NOX3: variants seen among roughly 807,000 people sequenced by gnomAD.
The protein encoded by NOX3 is NADPH oxidase catalytic subunit-like 3.
Under a neutral mutation model 76.7 loss-of-function variants are expected in NOX3, and 74 were observed. The ratio of observed to expected loss-of-function variants is 0.96; its 90% CI spans 0.80 to 1.17. The LOEUF (loss-of-function observed/expected upper bound fraction) is 1.17. Among genes scored for constraint, NOX3 ranks in the 50% most tolerant of loss-of-function variants. The probability of loss-of-function intolerance (pLI) is 0.00; values close to 1 mark genes in which losing one functional copy is unlikely to be tolerated. For synonymous variants in NOX3, 263 were observed against 261.1 expected (o/e 1.01, Z -0.07); for missense variants, 695 against 703.3 (o/e 0.99, Z 0.13).
chr6:155,426,568 C>A (rs777910324), intron 9 of NOX3, among the ~76,000 whole-genome samples: 1 of 152,122 alleles, frequency 6.6e-6, no homozygotes, highest in South Asian at 2.1e-4. Context: ...AGAGAGGGAG[C>A]TGCCCAGCAG....
chr6:155,431,167 A>G (rs1205454098), intron 7 of NOX3, among the ~76,000 whole-genome samples: 1 of 152,128 alleles, frequency 6.6e-6, no homozygotes, highest in Non-Finnish European at 1.5e-5. Context: ...ATTGGTTTTT[A>G]TGCTTACTTG....
At chr6:155,454,165 C>A (rs541799555) in intron 3 of NOX3, among the ~76,000 whole-genome samples, 2 of 152,222 alleles carry the variant, frequency 1.3e-5, no homozygotes, top group Admixed American at 1.3e-4. Context: ...TATACTTGCT[C>A]CACACAGGGT....
intron 4 of NOX3, among the ~76,000 whole-genome samples, chr6:155,451,093 C>T (rs1777133338): frequency 1.3e-5 from 2 of 152,080 alleles, no homozygotes; most frequent in African/African-American, 2.4e-5. Flanking sequence ...ATTCTCCTTC[C>T]TCAGCCTCCC....
At position 155,451,923 on chromosome 6, in the gene NOX3, C is replaced by T. The variant is rs73567373; in HGVS notation, c.340+1481G>A. ...GATTATAGGCGTAAACCACCATGCC[C>T]GGCCTCTTTTCTGATGTCTTTTGAT... is the stretch of plus-strand genomic sequence containing the variant. On this transcript the variant is annotated intron_variant, in intron 4 of 13. Coordinates refer to ENST00000159060, the MANE Select transcript of NOX3 (RefSeq NM_015718.3). Among the ~76,000 whole-genome samples, 745 of 152,272 alleles carry T rather than the reference C, an allele frequency of 4.9e-3. 7 individuals carry two copies. Among genetic ancestry groups the T allele is most frequent in the African/African-American group, 0.017 (712 of 41,556 alleles).
intron 9 of NOX3, among the ~76,000 whole-genome samples, chr6:155,423,345 A>G (rs968566083): frequency 6.6e-6 from 1 of 152,144 alleles, no homozygotes; most frequent in African/African-American, 2.4e-5. Context: ...ATGTAATTTT[A>G]GTCTAATGGA....
intron 7 of NOX3, among the ~76,000 whole-genome samples, chr6:155,435,813 G>A (rs55995839): frequency 0.061 from 9,287 of 152,178 alleles, 350 homozygotes; most frequent in Middle Eastern, 0.11. Flanking sequence ...CCACCTACCC[G>A]GGAAATCTGA....
intron 12 of NOX3, among the ~76,000 whole-genome samples, chr6:155,402,139 G>A (rs1779238914): frequency 6.6e-6 from 1 of 152,062 alleles, no homozygotes; most frequent in Non-Finnish European, 1.5e-5. Context: ...TGAACGTATT[G>A]ACAATGTTTA....
chr6:155,407,959 T>C (rs1372983746), intron 11 of NOX3, among the ~76,000 whole-genome samples: 1 of 152,082 alleles, frequency 6.6e-6, no homozygotes, highest in Non-Finnish European at 1.5e-5. Flanking sequence ...CATTTTTGTT[T>C]GTTTGTTTTT....
intron 10 of NOX3, among the ~76,000 whole-genome samples, chr6:155,418,582 A>T (rs1372246977): frequency 1.1e-5 from 1 of 91,838 alleles, no homozygotes; most frequent in African/African-American, 4.2e-5. Flanking sequence ...CTCCCCTTCC[A>T]CTCCCCGCCC....
chr6:155,396,851 G>T lies in NOX3; in HGVS notation c.1692C>A (p.Asn564Lys). ...CCTCCAAAGTCTAGAAGCTCTCCTT[G>T]TTGTAATAGAAATGAACACCTCTGG... ...ADPRGVHFYYNKESF is the reference protein window; with the variant it reads ...ADPRGVHFYYKKESF Residue 564 changes from asparagine (N) to lysine (K), a missense_variant, in exon 13 of 14, where the codon AAC (asparagine) becomes AAA (lysine). Asn to Lys is a moderately conservative substitution (Grantham distance 94, BLOSUM62 0). Coordinates refer to ENST00000159060, the MANE Select transcript of NOX3 (RefSeq NM_015718.3). 6.2e-7 allele frequency: 1 copy of T among 1,611,394 alleles called. No homozygotes were observed. The highest frequency in any genetic ancestry group is 8.5e-7 in the Non-Finnish European group (1 of 1,178,350).
At chr6:155,440,174 A>G (rs2114702606) in intron 5 of NOX3, 37 bp from the exon 6 acceptor site, 1 of 1,425,766 alleles carries the variant, frequency 7.0e-7, no homozygotes, top group East Asian at 2.4e-5. Flanking sequence ...AGAAACAAAC[A>G]AAAAAAAACA....
At chr6:155,447,673 CT>C (rs1777081308) in intron 4 of NOX3, among the ~76,000 whole-genome samples, 1 of 152,184 alleles carries the variant, frequency 6.6e-6, no homozygotes, top group Non-Finnish European at 1.5e-5. Flanking sequence ...ATTTTGTTTT[CT>C]TTCACAAGGT....
intron 5 of NOX3, among the ~76,000 whole-genome samples, chr6:155,441,452 C>A (rs1459080252): frequency 6.6e-6 from 1 of 152,200 alleles, no homozygotes; most frequent in Non-Finnish European, 1.5e-5. Context: ...TCTTCCTTGC[C>A]TATTAAGGCA....
chr6:155,444,092 T>C (rs1334737048), intron 4 of NOX3, among the ~76,000 whole-genome samples: 2 of 152,338 alleles, frequency 1.3e-5, no homozygotes, highest in African/African-American at 4.8e-5. Context: ...CCAGGAGAGA[T>C]ATTGTTTTTG....
intron 12 of NOX3, among the ~76,000 whole-genome samples, chr6:155,404,485 G>A (rs542798252): frequency 6.6e-6 from 1 of 152,322 alleles, no homozygotes; most frequent in South Asian, 2.1e-4. Context: ...GCAAGGAGGT[G>A]TCAGGAAGTG....
rs140219121 is a variant in NOX3, at chr6:155,411,232, G to C, written c.1437C>G (p.Thr479=). 6.2e-7 allele frequency: 1 copy of C among 1,613,252 alleles called. No homozygotes were observed. The highest frequency in any genetic ancestry group is 1.1e-5 in the South Asian group (1 of 90,954). Residue 479 remains threonine (T), a synonymous_variant, in exon 11 of 14, where the codon ACC becomes ACG. Coordinates refer to ENST00000159060, the MANE Select transcript of NOX3 (RefSeq NM_015718.3). ...TCAGTACCTGATTTTCATCCCAGCC[G>C]GTAAGAAATATATGATAACTCAGAA... ...THFLSYHIFL[T]GWDENQALHI...
chr6:155,421,534 T>A (rs1402723543), intron 10 of NOX3, among the ~76,000 whole-genome samples: 1 of 152,200 alleles, frequency 6.6e-6, no homozygotes, highest in Admixed American at 6.5e-5. Flanking sequence ...TTGGGAAAGA[T>A]AGATGAAACA....
At chr6:155,400,835 C>G (rs1413312861) in intron 12 of NOX3, among the ~76,000 whole-genome samples, 2 of 152,156 alleles carry the variant, frequency 1.3e-5, no homozygotes, top group Non-Finnish European at 2.9e-5. Context: ...GCTGTTCGGA[C>G]ACTTGTCCCA....
chr6:155,412,124 C>G (rs566647660), intron 10 of NOX3, among the ~76,000 whole-genome samples: 11 of 152,238 alleles, frequency 7.2e-5, no homozygotes, highest in African/African-American at 2.6e-4. Flanking sequence ...TCCCATTTTT[C>G]TCACACTCCC....
Sources: allele counts gnomAD v4.1 joint callset (sites outside exome capture counted in the v4.1 genomes callset), GRCh38; gene constraint gnomAD v4.1.1; transcripts MANE v1.5; gene names NCBI Gene and HGNC (gene_info 2026-07-23, HGNC 2026-07-21).